ADAM12: variants seen among roughly 807,000 people sequenced by gnomAD.
ADAM12 encodes disintegrin and metalloproteinase domain-containing protein 12.
A neutral mutation model predicts 106.4 loss-of-function variants in ADAM12; 70 were observed. The observed-to-expected ratio is 0.66, with a 90% CI of 0.54 to 0.80. The LOEUF is 0.80. Among genes scored for constraint, ADAM12 ranks in the 30% least tolerant of loss-of-function variants. The pLI, the probability that ADAM12 is intolerant of heterozygous loss-of-function variation, is 0.00. For synonymous variants in ADAM12, 420 were observed against 433.5 expected, an observed-to-expected ratio of 0.97 and a Z score of 0.39; for missense variants, 1,010 against 1,171.9, an observed-to-expected ratio of 0.86 and a Z score of 2.02.
rs1020544364 is a variant in ADAM12, at chr10:126,316,246, C to T, written c.186+14166G>A. 4.6e-5 allele frequency among the ~76,000 whole-genome samples: 7 copies of T among 152,280 alleles called. No individual in the cohort carries two copies. In the East Asian group the frequency reaches 9.7e-4, roughly 21 times the overall value. On this transcript the variant is annotated intron_variant, in intron 2 of 22. Coordinates refer to ENST00000448723, the MANE Select transcript of ADAM12 (RefSeq NM_001288973.2). ...TGCAGTTTTTAAAAGGGCAAAATAT[C>T]TCTATCACTTAGCACAGGGCCTGGC...
intron 4 of ADAM12, among the ~76,000 whole-genome samples, chr10:126,148,777 T>C (rs776133075): frequency 1.6e-4 from 25 of 152,186 alleles, no homozygotes; most frequent in Non-Finnish European, 3.7e-4. Flanking sequence ...CTGGAGAGGA[T>C]ACTAGTTTAG....
chr10:126,290,962 T>C (rs1245522322), intron 2 of ADAM12, among the ~76,000 whole-genome samples: 2 of 152,244 alleles, frequency 1.3e-5, no homozygotes, highest in African/African-American at 4.8e-5. Context: ...CTTTCTAATG[T>C]ATGCTTACTG....
chr10:126,038,102 C>A, intron 20 of ADAM12, 139 bp downstream of exon 20: 1 of 845,630 alleles, frequency 1.2e-6, no homozygotes, highest in South Asian at 1.5e-5. Context: ...GAGACCCTCC[C>A]TCAGAGCCTG....
chr10:126,095,393 G>A (rs1367546070), intron 10 of ADAM12, among the ~76,000 whole-genome samples: 1 of 151,918 alleles, frequency 6.6e-6, no homozygotes, highest in Non-Finnish European at 1.5e-5. Flanking sequence ...AACTAGCCGG[G>A]CGTGGTGGCG....
At chr10:126,225,919 A>G (rs1958185421) in intron 3 of ADAM12, among the ~76,000 whole-genome samples, 2 of 152,164 alleles carry the variant, frequency 1.3e-5, no homozygotes, top group African/African-American at 4.8e-5. Context: ...AATGGAACAA[A>G]GTCGAAGCCT....
intron 1 of ADAM12, among the ~76,000 whole-genome samples, chr10:126,340,253 C>T (rs1214589552): frequency 6.6e-6 from 1 of 152,166 alleles, no homozygotes; most frequent in Non-Finnish European, 1.5e-5. Context: ...TAAATGAGAA[C>T]TATTCATAAG....
At chr10:126,364,960 G>T (rs549490548) in intron 1 of ADAM12, among the ~76,000 whole-genome samples, 20 of 152,238 alleles carry the variant, frequency 1.3e-4, no homozygotes, top group South Asian at 2.1e-4. Flanking sequence ...GAGTTTGAAA[G>T]GAGGAACTTA....
chr10:126,143,748 T>C (rs1280164164), intron 4 of ADAM12, among the ~76,000 whole-genome samples: 2 of 151,930 alleles, frequency 1.3e-5, no homozygotes. Context: ...TGTGTGTATA[T>C]GGGTGTGTAT....
chr10:126,077,710 A>G (rs1955130010), intron 11 of ADAM12, among the ~76,000 whole-genome samples: 1 of 152,238 alleles, frequency 6.6e-6, no homozygotes, highest in Admixed American at 6.5e-5. Flanking sequence ...GAAGATTGAA[A>G]CTGAACCCCT....
chr10:126,222,059 C>A (rs1321294114), intron 3 of ADAM12, among the ~76,000 whole-genome samples: 2 of 152,166 alleles, frequency 1.3e-5, no homozygotes, highest in Non-Finnish European at 2.9e-5. Context: ...CTGAGTTTGG[C>A]CCACTTTGAA....
chr10:126,171,045 G>T (rs1957111059), intron 3 of ADAM12, among the ~76,000 whole-genome samples: 1 of 152,206 alleles, frequency 6.6e-6, no homozygotes, highest in African/African-American at 2.4e-5. Flanking sequence ...CTGGGCCTTT[G>T]AACTATTTGC....
chr10:126,378,627 A>C (rs1178381842), intron 1 of ADAM12, among the ~76,000 whole-genome samples: 1 of 152,214 alleles, frequency 6.6e-6, no homozygotes, highest in Non-Finnish European at 1.5e-5. Flanking sequence ...AGCCTCTGCA[A>C]AAGGAAGACT....
chr10:126,198,534 G>A (rs1196066770), intron 3 of ADAM12, among the ~76,000 whole-genome samples: 1 of 152,172 alleles, frequency 6.6e-6, no homozygotes, highest in Non-Finnish European at 1.5e-5. Flanking sequence ...GGCCAGTGTA[G>A]CCTTTAGCTC....
At chr10:126,117,984 C>G in intron 6 of ADAM12, 54 bp downstream of exon 6, 1 of 1,581,482 alleles carries the variant, frequency 6.3e-7, no homozygotes, top group Non-Finnish European at 8.7e-7. Context: ...TGTGGGGTAT[C>G]CGTAGCTTGA....
At chr10:126,139,754 C>T (rs1389472839) in intron 4 of ADAM12, among the ~76,000 whole-genome samples, 1 of 152,144 alleles carries the variant, frequency 6.6e-6, no homozygotes, top group African/African-American at 2.4e-5. Context: ...AGAGAAGCTG[C>T]CATCTTCAAT....
At chr10:126,227,946 T>C (rs1056225097) in intron 3 of ADAM12, among the ~76,000 whole-genome samples, 5 of 152,092 alleles carry the variant, frequency 3.3e-5, no homozygotes, top group Non-Finnish European at 7.4e-5. Context: ...ATACCATTCA[T>C]ATCCTGGAGT....
At chr10:126,150,584 T>G (rs1012248640) in intron 4 of ADAM12, among the ~76,000 whole-genome samples, 2 of 152,130 alleles carry the variant, frequency 1.3e-5, no homozygotes, top group African/African-American at 4.8e-5. Flanking sequence ...CTCTATCCCC[T>G]GATCCTGTCT....
intron 1 of ADAM12, among the ~76,000 whole-genome samples, chr10:126,370,506 G>A (rs957165656): frequency 4.6e-5 from 7 of 152,126 alleles, no homozygotes; most frequent in Admixed American, 2.0e-4. Flanking sequence ...CCTTTGATGC[G>A]AAAATGAAAG....
intron 21 of ADAM12, among the ~76,000 whole-genome samples, chr10:126,025,225 G>A (rs1953846487): frequency 6.6e-6 from 1 of 152,186 alleles, no homozygotes; most frequent in South Asian, 2.1e-4. Context: ...AAGTAGGCTT[G>A]AGAAGGTGGG....
Sources: allele counts gnomAD v4.1 joint callset (sites outside exome capture counted in the v4.1 genomes callset), GRCh38; gene constraint gnomAD v4.1.1; transcripts MANE v1.5; gene names NCBI Gene and HGNC (gene_info 2026-07-23, HGNC 2026-07-21).